The following ZFP90 variants were observed in gnomAD, a reference collection of about 807,000 sequenced individuals.
ZFP90 encodes the protein ZFP90 zinc finger protein.
A neutral mutation model predicts 60.8 loss-of-function variants in ZFP90; 38 were observed. That is an observed-to-expected ratio of 0.62 (90% CI 0.48 to 0.82). The LOEUF is 0.82. ZFP90 is among the 40% of genes least tolerant of loss of function. The pLI is 0.00. For missense variants in ZFP90, 711 were observed against 759.1 expected (o/e 0.94, Z 0.74); for synonymous variants, 287 against 264.8 (o/e 1.08, Z -0.82).
intron 2 of ZFP90, among the ~76,000 whole-genome samples, chr16:68,556,687 G>A (rs888109838): frequency 6.6e-6 from 1 of 152,204 alleles, no homozygotes; most frequent in Non-Finnish European, 1.5e-5. Flanking sequence ...ATCATTGCTA[G>A]AAACACAAGT....
chr16:68,552,412 A>G (rs2091277702), intron 2 of ZFP90, among the ~76,000 whole-genome samples: 1 of 152,130 alleles, frequency 6.6e-6, no homozygotes, highest in Admixed American at 6.6e-5. Context: ...GAGCTGTGCT[A>G]GAGAGAGGCC....
chr16:68,537,487 C>CT (rs2090970282), upstream of ZFP90, among the ~76,000 whole-genome samples: 1 of 152,190 alleles, frequency 6.6e-6, no homozygotes, highest in South Asian at 2.1e-4. Context: ...CCGGTCCACT[C>CT]TAATTCATAC....
intron 4 of ZFP90, chr16:68,562,681 T>G (rs2091455954): frequency 3.2e-6 from 1 of 315,470 alleles, no homozygotes; most frequent in African/African-American, 2.2e-5. Context: ...GAAGACAGAT[T>G]TTGTGGTGGT....
downstream of ZFP90, among the ~76,000 whole-genome samples, chr16:68,569,920 C>T (rs1490013301): frequency 2.0e-5 from 3 of 152,218 alleles, no homozygotes; most frequent in African/African-American, 7.2e-5. Context: ...TAGATCCCAT[C>T]CTTAAACTAG....
exon 3 of ZFP90, chr16:68,575,959 A>C (rs2091592195): frequency 2.5e-6 from 1 of 396,484 alleles, no homozygotes; most frequent in South Asian, 1.4e-4. Flanking sequence ...AACTGTGAGA[A>C]TCAGATTTTT....
chr16:68,565,663 G>A lies in ZFP90; in HGVS notation c.*965G>A, dbSNP rs1489268283. The A allele has an allele frequency of 1.0e-6, 1 of 985,380 alleles. No individual in the cohort carries two copies. The highest frequency in any genetic ancestry group is 1.7e-5 in the African/African-American group (1 of 57,220). The allele number at this position is 985,380 out of a possible 1,614,324, so 61.0% of individuals were successfully genotyped here. On this transcript the variant is annotated 3_prime_UTR_variant, in exon 5 of 5. Transcript: ENST00000563169. ...GAAAAAGCACTTTCTTAAGCCTACA[G>A]TATCAGATCAATGGGAAAACAACAG...
At position 68,566,071 on chromosome 16, in the gene ZFP90, T is replaced by G; in HGVS notation, c.*1373T>G. On this transcript the variant is annotated 3_prime_UTR_variant, in exon 5 of 5. Coordinates refer to ENST00000563169, the MANE Select transcript of ZFP90 (RefSeq NM_001305203.2). Reference sequence around the variant, plus strand: ...ATCACTGGAACCCGGGAGCAGAGACTGCAGTGAGCTGAGATCACACTACTG... The same window carrying G: ...ATCACTGGAACCCGGGAGCAGAGACGGCAGTGAGCTGAGATCACACTACTG... 1.0e-6 allele frequency: 1 copy of G among 960,152 alleles called. No homozygotes were observed. The highest frequency in any genetic ancestry group is 1.2e-6 in the Non-Finnish European group (1 of 806,886). 59.5% of individuals were successfully genotyped at this position (960,152 alleles called of 1,614,324 possible).
At chr16:68,557,111 C>T (rs1449158959) in intron 2 of ZFP90, 1 of 444,654 alleles carries the variant, frequency 2.2e-6, no homozygotes, top group Non-Finnish European at 4.5e-6. Context: ...GCTCAGCCTC[C>T]TGAGTAGCTG....
chr16:68,542,616 A>C (rs1378962014), intron 2 of ZFP90, among the ~76,000 whole-genome samples: 3 of 152,072 alleles, frequency 2.0e-5, no homozygotes, highest in Non-Finnish European at 4.4e-5. Flanking sequence ...AAAAAACAAA[A>C]GGGAGAGGGT....
intron 4 of ZFP90, among the ~76,000 whole-genome samples, chr16:68,559,942 C>T (rs948407681): frequency 1.3e-5 from 2 of 152,212 alleles, no homozygotes; most frequent in Non-Finnish European, 2.9e-5. Context: ...TATCACAGCT[C>T]CCTGCAGCCT....
At chr16:68,558,359 C>CT (rs750824840) in intron 3 of ZFP90, 114 bp from the exon 4 acceptor site, 116 of 1,180,410 alleles carry the variant, frequency 9.8e-5, no homozygotes, top group Non-Finnish European at 1.3e-4. Flanking sequence ...TAAGTTGCAC[C>CT]TTTTTTTTCC....
At chr16:68,541,491 T>C (rs1015212319) in intron 2 of ZFP90, among the ~76,000 whole-genome samples, 5 of 152,114 alleles carry the variant, frequency 3.3e-5, no homozygotes, top group Non-Finnish European at 4.4e-5. Context: ...CAGCTAATTT[T>C]TGTATTTTTA....
chr16:68,575,296 A>G (rs1226918253), intron 2 of ZFP90, among the ~76,000 whole-genome samples: 1 of 152,178 alleles, frequency 6.6e-6, no homozygotes, highest in Non-Finnish European at 1.5e-5. Flanking sequence ...GTCACAGTTC[A>G]TACCCGCATT....
chr16:68,569,471 ATT>A (rs2091555858), downstream of ZFP90, among the ~76,000 whole-genome samples: 1 of 152,110 alleles, frequency 6.6e-6, no homozygotes, highest in Non-Finnish European at 1.5e-5. Flanking sequence ...ATCCTCCAGC[ATT>A]TGTTTTCCTA....
Position 68,566,175 on chromosome 16 carries a change from C to A in ZFP90, c.*1477C>A, listed in dbSNP as rs549568638. 1 of 985,414 alleles carries A rather than the reference C, an allele frequency of 1.0e-6. No individual in the cohort carries two copies. 61.0% of individuals were successfully genotyped at this position (985,414 alleles called of 1,614,324 possible). A position where few individuals can be genotyped will look rare whatever the true frequency, so the allele number is the denominator to read the frequency against. ...GTATAATGCTTTTCTATTAGTAAAG[C>A]ATCAGCTAAGCTTCAGTGGCCTGCT... On this transcript the variant is annotated 3_prime_UTR_variant, in exon 5 of 5. Transcript: ENST00000563169.
intron 4 of ZFP90, chr16:68,562,830 C>T (rs2091457696): frequency 9.1e-7 from 1 of 1,098,374 alleles, no homozygotes; most frequent in Non-Finnish European, 1.3e-6. Context: ...ATGGGCTTTC[C>T]TCATTCTCTG....
Position 68,563,804 on chromosome 16 carries a change from A to ATG in ZFP90, c.1019_1020dup (p.Asn341ValfsTer74), listed in dbSNP as rs1167827827. On this transcript the variant is annotated frameshift_variant, in exon 5 of 5. Coordinates refer to ENST00000563169, the MANE Select transcript of ZFP90 (RefSeq NM_001305203.2). LOFTEE classifies it high-confidence loss of function. ...TTCACACTGGAGAGAAACCCTATCG[A>ATG]TGTAATCTATGTGGGAGGTCCTTTA... 6.2e-7 allele frequency: 1 copy of ATG among 1,613,932 alleles called. No homozygotes were observed. The highest frequency in any genetic ancestry group is 8.5e-7 in the Non-Finnish European group (1 of 1,179,996).
intron 2 of ZFP90, among the ~76,000 whole-genome samples, chr16:68,549,529 A>G (rs1241641050): frequency 6.6e-6 from 1 of 151,912 alleles, no homozygotes; most frequent in African/African-American, 2.4e-5. Context: ...TACAAAAAAA[A>G]TTAGCTGGGC....
chr16:68,543,169 A>C (rs1465176586), intron 2 of ZFP90, among the ~76,000 whole-genome samples: 1 of 150,726 alleles, frequency 6.6e-6, no homozygotes. Context: ...TGCTCTGGGC[A>C]GAGGGAACAG....
Sources: gnomAD v4.1 joint callset for allele counts (sites outside exome capture counted in the v4.1 genomes callset) on GRCh38, gnomAD v4.1.1 for gene constraint, MANE v1.5 for transcripts, NCBI Gene and HGNC (gene_info 2026-07-23, HGNC 2026-07-21) for gene names.